CFAP54: variants seen among roughly 807,000 people sequenced by gnomAD.
The protein encoded by CFAP54 is cilia- and flagella-associated protein 54.
CFAP54 carries 290 observed loss-of-function variants against 370.4 expected under a neutral mutation model. The ratio of observed to expected loss-of-function variants is 0.78; its 90% CI spans 0.71 to 0.86. The LOEUF is 0.86. Ranked by LOEUF, CFAP54 falls within the 40% of genes least tolerant of loss-of-function variation. CFAP54 has a pLI of 0.00. For synonymous variants in CFAP54, 1,206 were observed against 1,236.5 expected (o/e 0.98, Z 0.52); for missense variants, 3,399 against 3,528.7 (o/e 0.96, Z 0.93).
At chr12:96,691,342 C>T in intron 44 of CFAP54, 32 bp downstream of exon 44, 3 of 1,485,626 alleles carry the variant, frequency 2.0e-6, no homozygotes, top group South Asian at 1.3e-5. Flanking sequence ...AATTATATAT[C>T]ACTGGGATAT....
intron 45 of CFAP54, among the ~76,000 whole-genome samples, chr12:96,697,448 A>G (rs898883344): frequency 6.6e-5 from 10 of 152,194 alleles, no homozygotes; most frequent in Non-Finnish European, 1.2e-4. Flanking sequence ...AAGGTGTCTT[A>G]GGCAAAGACC....
At chr12:96,614,095 A>C (rs1276640730) in intron 26 of CFAP54, among the ~76,000 whole-genome samples, 1 of 152,224 alleles carries the variant, frequency 6.6e-6, no homozygotes, top group Non-Finnish European at 1.5e-5. Flanking sequence ...CCTGATGAAC[A>C]TCGATGTGAA....
rs112733725 is a variant in CFAP54, at chr12:96,543,400, A to G, written c.2077+2413A>G. ...CCATGAGGGACCTCTAGGATCCCAT[A>G]CAGAACAAATACAATGAAGTTGTAT... is the stretch of plus-strand genomic sequence containing the variant. On this transcript the variant is annotated intron_variant, in intron 14 of 67. Coordinates refer to ENST00000524981, the MANE Select transcript of CFAP54 (RefSeq NM_001306084.2). 5.2e-3 allele frequency among the ~76,000 whole-genome samples: 797 copies of G among 152,308 alleles called. 11 individuals are homozygous for G. The highest frequency in any genetic ancestry group is 0.018 in the African/African-American group (753 of 41,558).
intron 45 of CFAP54, among the ~76,000 whole-genome samples, chr12:96,698,491 C>G (rs1957458548): frequency 6.6e-6 from 1 of 152,078 alleles, no homozygotes; most frequent in Admixed American, 6.6e-5. Flanking sequence ...AATATGCAGT[C>G]ATAAAAAAGA....
intron 15 of CFAP54, among the ~76,000 whole-genome samples, chr12:96,549,479 TG>T (rs993524530): frequency 6.6e-6 from 1 of 152,334 alleles, no homozygotes; most frequent in African/African-American, 2.4e-5. Context: ...AAGTCTGTGA[TG>T]ACAACAGTGT....
At chr12:96,866,332 G>C (rs1960005105) in intron 67 of CFAP54, among the ~76,000 whole-genome samples, 3 of 152,080 alleles carry the variant, frequency 2.0e-5, no homozygotes. Context: ...TAGTTAAAAA[G>C]CTGGGTTAAG....
In CFAP54 at chr12:96,634,046, C is replaced by CTTTTTTTTTTTTT. The variant is rs71437232; in HGVS notation, c.4316+3410_4316+3422dup. On this transcript the variant is annotated intron_variant, in intron 32 of 67. Transcript: ENST00000524981. ...TCTAATGGCTAATGATAGCGAACATCTTTTTTTTTTTTTTTTTTTTTTTTT... is the reference window on the plus strand; with the variant it reads ...TCTAATGGCTAATGATAGCGAACATCTTTTTTTTTTTTTTTTTTTTTTTTTTTTTTTTTTTTTT... Among the ~76,000 whole-genome samples, 212 of 56,900 alleles carry CTTTTTTTTTTTTT rather than the reference C, an allele frequency of 3.7e-3. 38 individuals carry two copies. The highest frequency in any genetic ancestry group is 5.5e-3 in the South Asian group (6 of 1,098). 37.3% of individuals were successfully genotyped at this position (56,900 alleles called of 152,430 possible).
intron 32 of CFAP54, among the ~76,000 whole-genome samples, chr12:96,639,177 G>A (rs973465017): frequency 3.3e-5 from 5 of 152,084 alleles, no homozygotes; most frequent in African/African-American, 1.2e-4. Flanking sequence ...CTGATAGACC[G>A]ATAGCAAGAC....
At position 96,503,908 on chromosome 12, in the gene CFAP54, A is replaced by G; in HGVS notation, c.446A>G (p.Gln149Arg). The change falls in exon 3 of 68, where the codon CAA (glutamine) becomes CGA (arginine). Residue 149 changes from glutamine (Q) to arginine (R), a missense_variant. By Grantham distance (43) the Gln-to-Arg change is conservative. Transcript: ENST00000524981. ...CAGGAATACAAACTGGCCCTTTTAC[A>G]ATGCTATGGAAGATATCTTCAGCAG... ...QMKEYKLALL[Q>R]CYGRYLQQFN... The G allele has an allele frequency of 1.3e-6, 2 of 1,499,562 alleles. No individual in the cohort carries two copies. The highest frequency in any genetic ancestry group is 1.8e-6 in the Non-Finnish European group (2 of 1,132,828). The allele number at this position is 1,499,562 out of a possible 1,614,324, so 92.9% of individuals were successfully genotyped here.
intron 20 of CFAP54, 113 bp from the exon 21 acceptor site, chr12:96,580,484 G>T: frequency 1.8e-6 from 1 of 567,666 alleles, no homozygotes; most frequent in Non-Finnish European, 2.8e-6. Context: ...TTGTAAACTT[G>T]GATTTCATGT....
chr12:96,526,238 G>A (rs2136373490), intron 8 of CFAP54, among the ~76,000 whole-genome samples: 1 of 152,304 alleles, frequency 6.6e-6, no homozygotes, highest in South Asian at 2.1e-4. Flanking sequence ...ACTAAATGCA[G>A]AGAACAGGTC....
Position 96,701,053 on chromosome 12 carries a change from T to A in CFAP54, c.6474+960T>A, listed in dbSNP as rs368536939. 2.0e-5 allele frequency among the ~76,000 whole-genome samples: 3 copies of A among 152,334 alleles called. 1 individual carries two copies. ...ACTCCATATGACTGCTACAGCATTA[T>A]AATTTATTGTAATAGGGGATGAGGC... On this transcript the variant is annotated intron_variant, in intron 46 of 67. Coordinates refer to ENST00000524981, the MANE Select transcript of CFAP54 (RefSeq NM_001306084.2).
chr12:96,627,177 T>G (rs1956557650), intron 30 of CFAP54, among the ~76,000 whole-genome samples: 1 of 152,142 alleles, frequency 6.6e-6, no homozygotes, highest in African/African-American at 2.4e-5. Context: ...GGAAACAGAT[T>G]AAGTCTTTTG....
chr12:96,826,999 A>ATGATTATATATAATATGAAATTATATG (rs1565993947), intron 65 of CFAP54, among the ~76,000 whole-genome samples: 3 of 132,572 alleles, frequency 2.3e-5, no homozygotes, highest in Non-Finnish European at 4.6e-5. Flanking sequence ...GCAATTATAT[A>ATGATTATATATAATATGAAATTATATG]TGATTAATTA....
intron 12 of CFAP54, among the ~76,000 whole-genome samples, chr12:96,535,825 G>A (rs1312741597): frequency 6.6e-6 from 1 of 152,054 alleles, no homozygotes; most frequent in Non-Finnish European, 1.5e-5. Context: ...CTCAGGCTAT[G>A]TTTCTAATAA....
In CFAP54 at chr12:96,625,915, G is replaced by A. The variant is rs1956545280; in HGVS notation, c.3976+108G>A. ...TGCTTGAAGATTTCACCTGTTTCAG[G>A]CAGAATATTTTGAATTCTTACCCAC... is the stretch of plus-strand genomic sequence containing the variant. On this transcript the variant is annotated intron_variant, in intron 29 of 67. Transcript: ENST00000524981. The A allele has an allele frequency of 1.4e-5, 12 of 838,848 alleles. 1 individual carries two copies. The South Asian group carries it at 2.1e-4, about 14-fold the overall frequency. 52.0% of individuals were successfully genotyped at this position (838,848 alleles called of 1,614,324 possible). A position where few individuals can be genotyped will look rare whatever the true frequency, so the allele number is the denominator to read the frequency against.
At chr12:96,802,511 A>T (rs561622969) in intron 63 of CFAP54, among the ~76,000 whole-genome samples, 1 of 152,140 alleles carries the variant, frequency 6.6e-6, no homozygotes, top group African/African-American at 2.4e-5. Context: ...AAGAACACCA[A>T]CACAGACTCC....
chr12:96,872,885 C>G (rs934317333), intron 67 of CFAP54, among the ~76,000 whole-genome samples: 1 of 152,034 alleles, frequency 6.6e-6, no homozygotes, highest in Non-Finnish European at 1.5e-5. Flanking sequence ...TAAGACAGCT[C>G]CAGGCAAACT....
At chr12:96,542,625 G>A (rs1021568060) in intron 14 of CFAP54, among the ~76,000 whole-genome samples, 1 of 152,016 alleles carries the variant, frequency 6.6e-6, no homozygotes, top group Non-Finnish European at 1.5e-5. Flanking sequence ...AAACAGACAC[G>A]TAATTTTTCC....
Sources: allele counts gnomAD v4.1 joint callset (sites outside exome capture counted in the v4.1 genomes callset), GRCh38; gene constraint gnomAD v4.1.1; transcripts MANE v1.5; gene names NCBI Gene and HGNC (gene_info 2026-07-23, HGNC 2026-07-21).